INAVA: variants seen among roughly 807,000 people sequenced by gnomAD.
INAVA encodes the protein innate immunity activator protein.
A neutral mutation model predicts 55.3 loss-of-function variants in INAVA; 32 were observed. The observed-to-expected ratio is 0.58, with a 90% CI of 0.44 to 0.78. The LOEUF is 0.78. Among genes scored for constraint, INAVA ranks in the 30% least tolerant of loss-of-function variants. The probability of loss-of-function intolerance (pLI) is 0.00; values close to 1 mark genes in which losing one functional copy is unlikely to be tolerated. For missense variants in INAVA, 756 were observed against 786.4 expected, an observed-to-expected ratio of 0.96 and a Z score of 0.46; for synonymous variants, 294 against 329.4, an observed-to-expected ratio of 0.89 and a Z score of 1.16.
At chr1:200,904,379 C>T (rs548747242) in intron 5 of INAVA, among the ~76,000 whole-genome samples, 193 of 152,328 alleles carry the variant, frequency 1.3e-3, no homozygotes, top group African/African-American at 4.2e-3. Context: ...TGAGCCACTG[C>T]GCCTGGCCGC....
chr1:200,911,371 T>C, intron 8 of INAVA, 82 bp from the exon 9 acceptor site: 3 of 1,301,160 alleles, frequency 2.3e-6, no homozygotes, highest in Non-Finnish European at 3.3e-6. Flanking sequence ...AGGACTCACC[T>C]GTTTTAACTC....
At position 200,908,053 on chromosome 1, in the gene INAVA, T is replaced by C. The variant is rs1365316546; in HGVS notation, c.574+166T>C. The C allele has an allele frequency of 5.5e-6, 3 of 542,708 alleles. No homozygotes were observed. In the African/African-American group the frequency reaches 5.7e-5, roughly 10 times the overall value. 33.6% of individuals were successfully genotyped at this position (542,708 alleles called of 1,614,324 possible). ...GTCAATTTCCGCATGTCCTTGCACA[T>C]GCTCAGTTGAAGATGGGGAATGTGC... is the stretch of plus-strand genomic sequence containing the variant. On this transcript the variant is annotated intron_variant, in intron 6 of 9. Transcript: ENST00000413687.
chr1:200,909,092 T>C, intron 7 of INAVA, 132 bp from the exon 8 acceptor site: 2 of 1,297,824 alleles, frequency 1.5e-6, no homozygotes, highest in Middle Eastern at 5.2e-4. Context: ...GCCTTGATAG[T>C]TCCCCAAGGG....
chr1:200,911,488 G>A lies in INAVA; in HGVS notation c.995G>A (p.Gly332Asp). ...TTCCGGGCGGGTCCTGAGGGCCGAG[G>A]TCGCAGCGCCTTTCCCCGCCGCCGC... Reference protein sequence around the residue: ...DSFRAGPEGRGRSAFPRRRPT... With the variant: ...DSFRAGPEGRDRSAFPRRRPT... Residue 332 changes from glycine (G) to aspartate (D), a missense_variant, in exon 9 of 10, where the codon GGT (glycine) becomes GAT (aspartate). By Grantham distance (94) the Gly-to-Asp change is moderately conservative (BLOSUM62 -1). This residue lies in a region of INAVA where 639 missense variants were observed against 624.3 expected (regional missense o/e 1.02). Transcript: ENST00000413687. 3 of 1,613,432 alleles carry A rather than the reference G, an allele frequency of 1.9e-6. No homozygotes were observed. Among genetic ancestry groups the A allele is most frequent in the Non-Finnish European group, 1.7e-6 (2 of 1,179,722 alleles).
At chr1:200,892,447 G>T (rs1035472292), upstream of INAVA, among the ~76,000 whole-genome samples, 1 of 152,150 alleles carries the variant, frequency 6.6e-6, no homozygotes, top group African/African-American at 2.4e-5. Context: ...TGGCTACAGC[G>T]CTGGGGAAGA....
Position 200,895,086 on chromosome 1 carries a change from A to G in INAVA, c.-96A>G. 1 of 985,612 alleles carries G rather than the reference A, an allele frequency of 1.0e-6. No individual in the cohort carries two copies. The highest frequency in any genetic ancestry group is 1.2e-6 in the Non-Finnish European group (1 of 830,116). 61.1% of individuals were successfully genotyped at this position (985,612 alleles called of 1,614,324 possible). On this transcript the variant is annotated splice_region_variant and 5_prime_UTR_variant, in exon 1 of 10. Coordinates refer to ENST00000413687, the MANE Select transcript of INAVA (RefSeq NM_001142569.3). ...AACTCCTGGACTAAAGCCCAGAAGC[A>G]GGTGAGGGCGGGGGAGGTGGAATGG...
rs200814279 is a variant in INAVA, at chr1:200,908,684, G to A, written c.575-46G>A. The A allele has an allele frequency of 1.6e-4, 231 of 1,476,444 alleles. 1 individual carries two copies. The East Asian group carries it at 2.6e-3, about 17-fold the overall frequency. 91.5% of individuals were successfully genotyped at this position (1,476,444 alleles called of 1,614,324 possible). ...GGTTTGTGGAGGTTCTTGTTGGGCC[G>A]GTTCCCCCAGCCTCTGGCCTTACCA... On this transcript the variant is annotated intron_variant, in intron 6 of 9. Coordinates refer to ENST00000413687, the MANE Select transcript of INAVA (RefSeq NM_001142569.3).
At chr1:200,895,628 C>T (rs1180196520) in intron 1 of INAVA, among the ~76,000 whole-genome samples, 1 of 151,936 alleles carries the variant, frequency 6.6e-6, no homozygotes, top group African/African-American at 2.4e-5. Flanking sequence ...GGGGTGGTGC[C>T]CTCGCTCTCA....
Position 200,901,134 on chromosome 1 carries a change from G to C in INAVA, c.495G>C (p.Pro165=). The C allele has an allele frequency of 1.3e-6, 2 of 1,525,220 alleles. No homozygotes were observed. Among genetic ancestry groups the C allele is most frequent in the South Asian group, 1.2e-5 (1 of 83,140 alleles). 94.5% of individuals were successfully genotyped at this position (1,525,220 alleles called of 1,614,324 possible). A position where few individuals can be genotyped will look rare whatever the true frequency, so the allele number is the denominator to read the frequency against. Residue 165 remains proline, a synonymous_variant, in exon 5 of 10, where the codon CCG becomes CCC. Transcript: ENST00000413687. The stretch of plus-strand genomic sequence containing the variant: ...GGCGGCGCAATAGCGAGCCACCTCC[G>C]GCTGCTGCTCTCCCCCTGGGCCGAG... ...VERRRNSEPP[P]AAALPLGREL...
At chr1:200,900,500 C>T (rs780451046) in intron 4 of INAVA, among the ~76,000 whole-genome samples, 4 of 152,206 alleles carry the variant, frequency 2.6e-5, no homozygotes, top group Admixed American at 6.5e-5. Flanking sequence ...ACCAACCCAG[C>T]GGGCAATAGC....
At chr1:200,910,263 C>T (rs1653661234) in intron 8 of INAVA, among the ~76,000 whole-genome samples, 1 of 152,192 alleles carries the variant, frequency 6.6e-6, no homozygotes, top group African/African-American at 2.4e-5. Flanking sequence ...CACTTTTCTG[C>T]AGTGTCCAAG....
At chr1:200,906,742 G>A (rs1427869525) in intron 5 of INAVA, among the ~76,000 whole-genome samples, 2 of 152,092 alleles carry the variant, frequency 1.3e-5, no homozygotes, top group African/African-American at 4.8e-5. Context: ...CGTTCCTCTT[G>A]TTGTTGGTAA....
intron 9 of INAVA, among the ~76,000 whole-genome samples, chr1:200,912,940 C>T (rs140358695): frequency 6.6e-6 from 1 of 152,060 alleles, no homozygotes; most frequent in Non-Finnish European, 1.5e-5. Flanking sequence ...TTCCTTGGCC[C>T]CTATTTCTTC....
rs1322865532 is a variant in INAVA, at chr1:200,914,481, C to G, written c.*852C>G. ...ATTTTGTTTGTTTTTGAGATGGAGTCTCGCTCTGTCGCCCAGGCTGGAATG... is the reference window on the plus strand; with the variant it reads ...ATTTTGTTTGTTTTTGAGATGGAGTGTCGCTCTGTCGCCCAGGCTGGAATG... On this transcript the variant is annotated 3_prime_UTR_variant, in exon 10 of 10. Coordinates refer to ENST00000413687, the MANE Select transcript of INAVA (RefSeq NM_001142569.3). The G allele has an allele frequency of 1.3e-5, 2 of 152,416 alleles. No individual in the cohort carries two copies. The highest frequency in any genetic ancestry group is 4.8e-5 in the African/African-American group (2 of 41,470). 9.4% of individuals were successfully genotyped at this position (152,416 alleles called of 1,614,324 possible).
upstream of INAVA, chr1:200,891,554 C>T (rs746062693): frequency 3.1e-6 from 5 of 1,602,476 alleles, no homozygotes; most frequent in Non-Finnish European, 4.3e-6. Context: ...CTGCAAATGC[C>T]GAAGTTAAAT....
In INAVA at chr1:200,904,764, G is replaced by T. The variant is rs1312800619; in HGVS notation, c.521-3070G>T. Among the ~76,000 whole-genome samples, 5 of 148,018 alleles carry T rather than the reference G, an allele frequency of 3.4e-5. No individual in the cohort carries two copies. In the East Asian group the frequency reaches 9.9e-4, roughly 29 times the overall value. On this transcript the variant is annotated intron_variant, in intron 5 of 9. Transcript: ENST00000413687. Reference sequence around the variant, plus strand: ...CCAATCTTTTTAGAGACAGGGTCTTGTTCTGTTGCTCAGGCTGGAGTGCAG... The same window carrying T: ...CCAATCTTTTTAGAGACAGGGTCTTTTTCTGTTGCTCAGGCTGGAGTGCAG...
At chr1:200,896,010 C>T (rs568334535) in intron 1 of INAVA, among the ~76,000 whole-genome samples, 5 of 152,148 alleles carry the variant, frequency 3.3e-5, no homozygotes, top group African/African-American at 1.2e-4. Context: ...CAGTGCCTCC[C>T]CTTTGATGCT....
At position 200,911,800 on chromosome 1, in the gene INAVA, G is replaced by A. The variant is rs1653744345; in HGVS notation, c.1307G>A (p.Arg436Gln). 3.7e-6 allele frequency: 6 copies of A among 1,608,116 alleles called. No individual in the cohort carries two copies. Among genetic ancestry groups the A allele is most frequent in the Admixed American group, 1.7e-5 (1 of 59,772 alleles). The stretch of plus-strand genomic sequence containing the variant: ...CCGCCTGGCTATTTCCCGGCGGGGC[G>A]GTACGTGGTGGTGGCTGAGAGCCCC... The part of the protein sequence containing the change: ...LLPPGYFPAG[R>Q]YVVVAESPLP... The change falls in exon 9 of 10, where the codon CGG becomes CAG. Residue 436 changes from arginine to glutamine, a missense_variant. Arg to Gln is a conservative substitution (Grantham distance 43). Coordinates refer to ENST00000413687, the MANE Select transcript of INAVA (RefSeq NM_001142569.3).
At chr1:200,900,504 CAA>C (rs1447650957) in intron 4 of INAVA, among the ~76,000 whole-genome samples, 1 of 152,238 alleles carries the variant, frequency 6.6e-6, no homozygotes, top group Non-Finnish European at 1.5e-5. Flanking sequence ...ACCCAGCGGG[CAA>C]TAGCCTGCTC....
Sources: allele counts gnomAD v4.1 joint callset (sites outside exome capture counted in the v4.1 genomes callset), GRCh38; gene constraint gnomAD v4.1.1; regional missense constraint gnomAD v4.1.1; transcripts MANE v1.5; gene names NCBI Gene and HGNC (gene_info 2026-07-23, HGNC 2026-07-21).